Variants in NELL2 observed in about 807,000 individuals in gnomAD.
NELL2 encodes the protein protein kinase C-binding protein NELL2.
Under a neutral mutation model 109.6 loss-of-function variants are expected in NELL2, and 41 were observed. That is an observed-to-expected ratio of 0.37 (90% CI 0.29 to 0.49). The LOEUF (loss-of-function observed/expected upper bound fraction) is 0.49. NELL2 is among the 20% of genes least tolerant of loss of function. The probability of loss-of-function intolerance (pLI) is 0.98; values close to 1 mark genes in which losing one functional copy is unlikely to be tolerated. For missense variants in NELL2, 900 were observed against 1,008.3 expected (o/e 0.89, Z 1.45); for synonymous variants, 355 against 344.7 (o/e 1.03, Z -0.33).
chr12:44,604,160 G>A (rs1370277098), intron 15 of NELL2, among the ~76,000 whole-genome samples: 1 of 151,952 alleles, frequency 6.6e-6, no homozygotes. Flanking sequence ...ACGAAGCATG[G>A]CATAAGAAAT....
intron 12 of NELL2, among the ~76,000 whole-genome samples, chr12:44,686,377 G>A (rs7957686): frequency 0.059 from 8,928 of 152,094 alleles, 868 homozygotes; most frequent in African/African-American, 0.2. Flanking sequence ...CCCGTAGCTC[G>A]GAGTAATTTG....
upstream of NELL2, among the ~76,000 whole-genome samples, chr12:44,915,783 T>G (rs1174325734): frequency 2.6e-5 from 4 of 151,238 alleles, no homozygotes; most frequent in Non-Finnish European, 5.9e-5. Context: ...TAGGAAGAGA[T>G]GCAAAAAAAA....
chr12:44,631,778 C>G (rs758730977), intron 13 of NELL2, among the ~76,000 whole-genome samples: 8 of 151,984 alleles, frequency 5.3e-5, no homozygotes, highest in Non-Finnish European at 1.2e-4. Flanking sequence ...ATCAATGGTA[C>G]ACAGTCTTCT....
At chr12:44,703,689 T>G in intron 12 of NELL2, 37 bp downstream of exon 12, 1 of 1,609,252 alleles carries the variant, frequency 6.2e-7, no homozygotes, top group Non-Finnish European at 8.5e-7. Context: ...TCCTAGAAAA[T>G]TTATACAGCT....
chr12:44,682,756 C>A (rs1298600804), intron 12 of NELL2, among the ~76,000 whole-genome samples: 1 of 152,156 alleles, frequency 6.6e-6, no homozygotes. Flanking sequence ...TCTGAGGGCT[C>A]TGTTCCGTTC....
intron 10 of NELL2, among the ~76,000 whole-genome samples, chr12:44,712,853 T>C (rs1477823822): frequency 6.6e-6 from 1 of 151,892 alleles, no homozygotes; most frequent in African/African-American, 2.4e-5. Context: ...GATGATATTT[T>C]GGATATATCG....
chr12:44,701,917 C>T (rs1247722332), intron 12 of NELL2, among the ~76,000 whole-genome samples: 1 of 151,996 alleles, frequency 6.6e-6, no homozygotes, highest in Non-Finnish European at 1.5e-5. Flanking sequence ...TCCTACATTA[C>T]CTGGCCCCTG....
At chr12:44,916,465 C>A (rs1945829618), upstream of NELL2, among the ~76,000 whole-genome samples, 1 of 152,006 alleles carries the variant, frequency 6.6e-6, no homozygotes, top group Non-Finnish European at 1.5e-5. Context: ...ACTGGGGTGA[C>A]AATAAGGAAG....
At chr12:44,883,514 T>G (rs1353406195) in intron 1 of NELL2, among the ~76,000 whole-genome samples, 3 of 152,068 alleles carry the variant, frequency 2.0e-5, no homozygotes, top group Non-Finnish European at 4.4e-5. Context: ...TCAAGTCTCT[T>G]TGCTATGTAA....
intron 2 of NELL2, among the ~76,000 whole-genome samples, chr12:44,850,122 G>C (rs1357678116): frequency 6.6e-6 from 1 of 152,076 alleles, no homozygotes; most frequent in Non-Finnish European, 1.5e-5. Context: ...GCATTTAATT[G>C]CATGTTAATT....
chr12:44,882,480 A>G (rs928430422), intron 1 of NELL2, among the ~76,000 whole-genome samples: 6 of 151,474 alleles, frequency 4.0e-5, no homozygotes, highest in African/African-American at 1.5e-4. Context: ...GTGTATATAT[A>G]CATACACACA....
intron 7 of NELL2, 123 bp downstream of exon 7, chr12:44,776,919 A>G (rs910195290): frequency 1.9e-5 from 14 of 755,362 alleles, no homozygotes; most frequent in Non-Finnish European, 3.1e-5. Flanking sequence ...ATTTAGATTC[A>G]GTCCTAGCAA....
intron 2 of NELL2, among the ~76,000 whole-genome samples, chr12:44,816,907 G>C (rs1340505348): frequency 6.6e-6 from 1 of 152,204 alleles, no homozygotes; most frequent in Non-Finnish European, 1.5e-5. Flanking sequence ...AATGCACTTA[G>C]GTTTAAAAAC....
At chr12:44,555,883 G>A (rs966578494) in intron 15 of NELL2, among the ~76,000 whole-genome samples, 23 of 152,204 alleles carry the variant, frequency 1.5e-4, no homozygotes, top group African/African-American at 5.3e-4. Flanking sequence ...TTAAAGAGAG[G>A]ATGTCTAGGC....
intron 9 of NELL2, among the ~76,000 whole-genome samples, chr12:44,743,671 T>A (rs185978430): frequency 6.6e-6 from 1 of 152,066 alleles, no homozygotes; most frequent in Non-Finnish European, 1.5e-5. Flanking sequence ...TAAAACAGAC[T>A]TTAAACCAAC....
intron 13 of NELL2, among the ~76,000 whole-genome samples, chr12:44,636,054 T>C (rs1371748334): frequency 6.6e-6 from 1 of 152,202 alleles, no homozygotes; most frequent in Non-Finnish European, 1.5e-5. Context: ...CAATTGTGAA[T>C]GGGAGTTCAC....
intron 2 of NELL2, among the ~76,000 whole-genome samples, chr12:44,845,878 T>C (rs1202769822): frequency 6.6e-6 from 1 of 152,212 alleles, no homozygotes; most frequent in Non-Finnish European, 1.5e-5. Flanking sequence ...GGAAAGTCTT[T>C]GAGCCAAGGT....
intron 1 of NELL2, among the ~76,000 whole-genome samples, chr12:44,885,013 TC>T (rs1315671639): frequency 4.6e-5 from 7 of 151,866 alleles, no homozygotes; most frequent in Non-Finnish European, 1.0e-4. Flanking sequence ...GTGTGGTGGC[TC>T]CCCCCTGTAA....
At chr12:44,896,111 A>T (rs1945589951) in intron 1 of NELL2, among the ~76,000 whole-genome samples, 1 of 152,174 alleles carries the variant, frequency 6.6e-6, no homozygotes, top group Non-Finnish European at 1.5e-5. Flanking sequence ...AGACCGGAAG[A>T]GGGGCTATCA....
Sources: gnomAD v4.1 joint callset for allele counts (sites outside exome capture counted in the v4.1 genomes callset) on GRCh38, gnomAD v4.1.1 for gene constraint, MANE v1.5 for transcripts, NCBI Gene and HGNC (gene_info 2026-07-23, HGNC 2026-07-21) for gene names.